PDE4B: variants seen among roughly 807,000 people sequenced by gnomAD.
PDE4B encodes the protein 3',5'-cyclic-AMP phosphodiesterase 4B.
PDE4B carries 20 observed loss-of-function variants against 82.2 expected under a neutral mutation model. The observed-to-expected ratio is 0.24, with a 90% confidence interval of 0.17 to 0.35. PDE4B has a LOEUF of 0.35. Among genes scored for constraint, PDE4B ranks in the 10% least tolerant of loss-of-function variants. The probability of loss-of-function intolerance (pLI) is 1.00; values close to 1 mark genes in which losing one functional copy is unlikely to be tolerated. For missense variants in PDE4B, 655 were observed against 907.2 expected (o/e 0.72, Z 3.57); for synonymous variants, 320 against 318.9 (o/e 1.00, Z -0.04).
chr1:66,192,745 C>G (rs1647936581), intron 3 of PDE4B, among the ~76,000 whole-genome samples: 1 of 152,048 alleles, frequency 6.6e-6, no homozygotes, highest in Non-Finnish European at 1.5e-5. Context: ...GGCTGTATCT[C>G]TCATCAAGTC....
intron 3 of PDE4B, among the ~76,000 whole-genome samples, chr1:66,074,420 T>C (rs1209941977): frequency 1.3e-5 from 2 of 152,146 alleles, no homozygotes; most frequent in East Asian, 3.9e-4. Flanking sequence ...ACAAAGCCCA[T>C]GCTCGTTGAA....
chr1:66,260,043 A>G (rs1047029028), intron 6 of PDE4B, among the ~76,000 whole-genome samples: 2 of 152,240 alleles, frequency 1.3e-5, no homozygotes, highest in African/African-American at 2.4e-5. Flanking sequence ...TAGGTGCTCA[A>G]TAAATGTGAG....
intron 3 of PDE4B, among the ~76,000 whole-genome samples, chr1:66,169,256 G>C (rs1156642112): frequency 6.6e-6 from 1 of 152,130 alleles, no homozygotes; most frequent in Non-Finnish European, 1.5e-5. Context: ...GTTGTGTCGG[G>C]TTAATTGTGA....
In PDE4B at chr1:65,918,775, C is replaced by G. The variant is rs779055443; in HGVS notation, c.221C>G (p.Pro74Arg). 31 of 1,613,866 alleles carry G rather than the reference C, an allele frequency of 1.9e-5. No homozygotes were observed. The highest frequency in any genetic ancestry group is 2.6e-5 in the Non-Finnish European group (31 of 1,179,874). The change falls in exon 3 of 17, where the codon CCG becomes CGG. Residue 74 changes from proline to arginine, a missense_variant. Physicochemically the swap from Pro to Arg is moderately radical, Grantham distance 103. Transcript: ENST00000341517. The part of the protein sequence containing the change: ...RTPEGDGISR[P>R]TTLPLTTLPS... ...CCTGAGGGAGATGGTATTTCCAGGC[C>G]GACCACACTGCCTTTGACAACGCTT...
chr1:66,311,474 C>T (rs369994318), intron 7 of PDE4B, among the ~76,000 whole-genome samples: 23 of 152,348 alleles, frequency 1.5e-4, no homozygotes, highest in Middle Eastern at 3.4e-3. Flanking sequence ...GAAAGCACCC[C>T]GTTAGGTGCT....
chr1:65,834,690 T>TGTAA (rs1646121553), intron 1 of PDE4B, among the ~76,000 whole-genome samples: 1 of 152,194 alleles, frequency 6.6e-6, no homozygotes, highest in African/African-American at 2.4e-5. Context: ...GAGGCTTATA[T>TGTAA]ATAGCCACGT....
chr1:65,921,104 G>T (rs1314664274), intron 3 of PDE4B, among the ~76,000 whole-genome samples: 1 of 150,184 alleles, frequency 6.7e-6, no homozygotes, highest in Non-Finnish European at 1.5e-5. Context: ...AAGTAGCTGG[G>T]ACTACAGGCG....
chr1:66,310,667 T>G (rs1054685346), intron 7 of PDE4B, among the ~76,000 whole-genome samples: 2 of 152,184 alleles, frequency 1.3e-5, no homozygotes, highest in African/African-American at 4.8e-5. Flanking sequence ...TCCTGGGCAG[T>G]CAAGCCATCT....
At chr1:65,997,248 A>G (rs1651599475) in intron 3 of PDE4B, among the ~76,000 whole-genome samples, 1 of 147,728 alleles carries the variant, frequency 6.8e-6, no homozygotes, top group Non-Finnish European at 1.5e-5. Flanking sequence ...ATGCTTGCAC[A>G]CAGGAAACAA....
Position 65,828,489 on chromosome 1 carries a change from G to A in PDE4B, c.-71+35241G>A, listed in dbSNP as rs183078750. On this transcript the variant is annotated intron_variant, in intron 1 of 16. Transcript: ENST00000341517. ...TTGAACTCCTGACCTCAAATGATCC[G>A]TCTGCCTTGGCCTCTGAAAGTGCTG... Among the ~76,000 whole-genome samples the A allele has an allele frequency of 1.4e-4, 21 of 152,160 alleles. No homozygotes were observed. The East Asian group carries it at 1.9e-3, about 14-fold the overall frequency.
intron 3 of PDE4B, among the ~76,000 whole-genome samples, chr1:65,948,372 T>C (rs1648820100): frequency 6.6e-6 from 1 of 151,798 alleles, no homozygotes. Context: ...GGTCCCACAA[T>C]AGGATGCCTG....
At chr1:66,286,788 A>C (rs1656707045) in intron 7 of PDE4B, among the ~76,000 whole-genome samples, 1 of 152,124 alleles carries the variant, frequency 6.6e-6, no homozygotes, top group Non-Finnish European at 1.5e-5. Flanking sequence ...TGAATCTAGA[A>C]GTTCACAAGA....
chr1:65,962,325 G>C (rs1649585834), intron 3 of PDE4B, among the ~76,000 whole-genome samples: 1 of 152,116 alleles, frequency 6.6e-6, no homozygotes, highest in African/African-American at 2.4e-5. Flanking sequence ...CTGCAGACAT[G>C]CTCAGGTGCT....
At chr1:66,372,276 A>T in intron 16 of PDE4B, 37 bp from the exon 17 acceptor site, 1 of 1,553,106 alleles carries the variant, frequency 6.4e-7, no homozygotes, top group South Asian at 1.2e-5. Context: ...TTCAAGCACC[A>T]TCACAATAAC....
chr1:66,073,047 T>C (rs1248974178), intron 3 of PDE4B, among the ~76,000 whole-genome samples: 2 of 151,772 alleles, frequency 1.3e-5, no homozygotes, highest in African/African-American at 4.8e-5. Context: ...GCCAGTTCCT[T>C]ATAGAAACAT....
chr1:65,951,951 C>T (rs951584346), intron 3 of PDE4B, among the ~76,000 whole-genome samples: 2 of 152,054 alleles, frequency 1.3e-5, no homozygotes, highest in African/African-American at 2.4e-5. Flanking sequence ...TTAGGGAAAA[C>T]GATGGCTGAA....
intron 3 of PDE4B, among the ~76,000 whole-genome samples, chr1:65,996,888 A>G (rs1651571309): frequency 6.6e-6 from 1 of 152,200 alleles, no homozygotes; most frequent in African/African-American, 2.4e-5. Flanking sequence ...CAGAGTTCTC[A>G]GGTCAGCATA....
At chr1:66,270,860 AT>A (rs1210549279) in intron 7 of PDE4B, among the ~76,000 whole-genome samples, 1 of 152,278 alleles carries the variant, frequency 6.6e-6, no homozygotes, top group African/African-American at 2.4e-5. Flanking sequence ...TTTCTTCCTT[AT>A]TCTGAATTCT....
intron 3 of PDE4B, among the ~76,000 whole-genome samples, chr1:66,163,320 C>T (rs1646655461): frequency 6.6e-6 from 1 of 152,182 alleles, no homozygotes; most frequent in Non-Finnish European, 1.5e-5. Context: ...TATATTTAGT[C>T]TCTTATCTAT....
Sources: gnomAD v4.1 joint callset for allele counts (sites outside exome capture counted in the v4.1 genomes callset) on GRCh38, gnomAD v4.1.1 for gene constraint, MANE v1.5 for transcripts, NCBI Gene and HGNC (gene_info 2026-07-23, HGNC 2026-07-21) for gene names.